NPC1: variants seen among roughly 807,000 people sequenced by gnomAD.
The protein encoded by NPC1 is NPC intracellular cholesterol transporter 1, also known as Niemann-Pick C1 protein.
In NPC1, 85 loss-of-function variants were observed where a neutral mutation model predicts 140.4. The ratio of observed to expected loss-of-function variants is 0.61; its 90% CI spans 0.51 to 0.72. The LOEUF (loss-of-function observed/expected upper bound fraction) is 0.72. Ranked by LOEUF, NPC1 falls within the 30% of genes least tolerant of loss-of-function variation. The probability of loss-of-function intolerance (pLI) is 0.00; values close to 1 mark genes in which losing one functional copy is unlikely to be tolerated. For synonymous variants in NPC1, 656 were observed against 624.8 expected (o/e 1.05, Z -0.74); for missense variants, 1,504 against 1,623.8 (o/e 0.93, Z 1.27).
intron 17 of NPC1, 111 bp from the exon 18 acceptor site, chr18:23,540,112 C>G: frequency 1.1e-6 from 1 of 914,384 alleles, no homozygotes; most frequent in Non-Finnish European, 1.7e-6. Context: ...GCTGAGATGC[C>G]TCCAGCTGGA....
rs563939770 is a variant in NPC1, at chr18:23,556,164, T to C, written c.1326+79A>G. ...CATGACATTCAGCCCCAAATCCCCATCTAGCAGTAGTCAACATGTAAAAGC... is the reference window on the plus strand; with the variant it reads ...CATGACATTCAGCCCCAAATCCCCACCTAGCAGTAGTCAACATGTAAAAGC... On this transcript the variant is annotated intron_variant, in intron 8 of 24. Transcript: ENST00000269228. 3 of 1,258,282 alleles carry C rather than the reference T, an allele frequency of 2.4e-6. No homozygotes were observed. In the East Asian group the frequency reaches 6.9e-5, roughly 29 times the overall value. 77.9% of individuals were successfully genotyped at this position (1,258,282 alleles called of 1,614,324 possible).
At chr18:23,533,216 T>A in intron 24 of NPC1, 139 bp downstream of exon 24, 1 of 982,858 alleles carries the variant, frequency 1.0e-6, no homozygotes, top group Non-Finnish European at 1.5e-6. Context: ...TTAGAAGAAA[T>A]TTTTTTACTC....
chr18:23,542,667 CA>C (rs1222463150), intron 14 of NPC1, among the ~76,000 whole-genome samples: 2 of 152,232 alleles, frequency 1.3e-5, no homozygotes, highest in African/African-American at 2.4e-5. Context: ...AGCTTCTGGT[CA>C]TTAACAAGGC....
At chr18:23,526,567 G>C, downstream of NPC1, 3 of 1,574,032 alleles carry the variant, frequency 1.9e-6, no homozygotes, top group Non-Finnish European at 2.6e-6. Flanking sequence ...CAGATGTTTA[G>C]GGGAACCACT....
intron 20 of NPC1, among the ~76,000 whole-genome samples, chr18:23,537,164 G>A (rs765506450): frequency 2.0e-5 from 3 of 152,100 alleles, no homozygotes; most frequent in Non-Finnish European, 4.4e-5. Context: ...CACCTCCCGG[G>A]TTCAAGCAAT....
At chr18:23,533,160 T>C (rs2145333931) in intron 24 of NPC1, 195 bp downstream of exon 24, 1 of 688,142 alleles carries the variant, frequency 1.5e-6, no homozygotes, top group Non-Finnish European at 2.4e-6. Context: ...AACTTCCTAA[T>C]AAAGTAGTCT....
intron 3 of NPC1, among the ~76,000 whole-genome samples, chr18:23,571,264 G>A (rs1214260604): frequency 6.6e-6 from 1 of 151,104 alleles, no homozygotes; most frequent in Non-Finnish European, 1.5e-5. Context: ...GGGAACTGTG[G>A]TTCACACCTA....
At chr18:23,571,970 T>A in intron 3 of NPC1, 104 bp downstream of exon 3, 1 of 580,094 alleles carries the variant, frequency 1.7e-6, no homozygotes, top group Non-Finnish European at 3.1e-6. Flanking sequence ...AATATAGACA[T>A]ATAATAAATA....
At chr18:23,564,227 A>G (rs1205853740) in intron 4 of NPC1, among the ~76,000 whole-genome samples, 2 of 151,614 alleles carry the variant, frequency 1.3e-5, no homozygotes, top group Admixed American at 6.6e-5. Context: ...CAGGTGATCC[A>G]CCCGCCTTGG....
intron 3 of NPC1, among the ~76,000 whole-genome samples, chr18:23,512,588 ATTTTTTTTTCCTTT>A (rs1376163238): frequency 2.1e-5 from 3 of 142,058 alleles, no homozygotes; most frequent in Non-Finnish European, 4.6e-5. Context: ...GCCCAACTTA[ATTTTTTTTTCCTTT>A]TTTTTTTTTT....
downstream of NPC1, among the ~76,000 whole-genome samples, chr18:23,525,528 G>C (rs1410630657): frequency 6.6e-6 from 1 of 151,880 alleles, no homozygotes; most frequent in African/African-American, 2.4e-5. Flanking sequence ...GGGTTTAAGC[G>C]ATTCTCCTGC....
Position 23,556,417 on chromosome 18 carries a change from G to A in NPC1, c.1152C>T (p.Pro384=). Residue 384 remains proline, a synonymous_variant, in exon 8 of 25, where the codon CCC becomes CCT. Transcript: ENST00000269228. ...TTNPVDLWSA[P]SSQARLEKEY... is the part of the protein sequence containing the mutation. ...CTTTTTCCAGGCGAGCCTGGCTGCT[G>A]GGGGCTGACCAGAGGTCAACTGGAT... 6.2e-7 allele frequency: 1 copy of A among 1,614,152 alleles called. No individual in the cohort carries two copies. The highest frequency in any genetic ancestry group is 8.5e-7 in the Non-Finnish European group (1 of 1,180,012).
intron 2 of NPC1, 135 bp downstream of exon 2, chr18:23,573,317 T>G: frequency 7.9e-7 from 1 of 1,262,900 alleles, no homozygotes; most frequent in African/African-American, 1.5e-5. Flanking sequence ...CAGGTTAGAG[T>G]TTGAGAGTCC....
At chr18:23,563,153 C>G (rs1041847860) in intron 4 of NPC1, among the ~76,000 whole-genome samples, 1 of 152,198 alleles carries the variant, frequency 6.6e-6, no homozygotes, top group South Asian at 2.1e-4. Context: ...CGGCTTCTTT[C>G]ATTTAGCATA....
chr18:23,523,812 G>C (rs2058214500), intron 1 of NPC1, among the ~76,000 whole-genome samples: 2 of 152,146 alleles, frequency 1.3e-5, no homozygotes, highest in African/African-American at 4.8e-5. Context: ...AATCCTTCAA[G>C]TAAATTTCTC....
chr18:23,566,152 C>G (rs1202350016), intron 4 of NPC1, among the ~76,000 whole-genome samples: 1 of 151,998 alleles, frequency 6.6e-6, no homozygotes, highest in Non-Finnish European at 1.5e-5. Flanking sequence ...ACCTGTAATC[C>G]CAGCACTGTG....
downstream of NPC1, chr18:23,527,667 G>GTATTTCTT (rs1436780982): frequency 1.8e-5 from 6 of 337,990 alleles, no homozygotes; most frequent in East Asian, 1.0e-4. Flanking sequence ...CTTTAAAGTA[G>GTATTTCTT]AGTGTCCTTT....
chr18:23,540,139 C>A (rs1444820373), intron 17 of NPC1, 138 bp from the exon 18 acceptor site: 2 of 771,052 alleles, frequency 2.6e-6, no homozygotes, highest in East Asian at 2.7e-5. Flanking sequence ...ATTCCTAACA[C>A]CACCAGTCTT....
downstream of NPC1, chr18:23,529,765 A>C: frequency 6.5e-7 from 1 of 1,528,084 alleles, no homozygotes; most frequent in Non-Finnish European, 9.0e-7. Context: ...TTAAAAAAAA[A>C]ACACAGTCAC....
Sources: allele counts gnomAD v4.1 joint callset (sites outside exome capture counted in the v4.1 genomes callset), GRCh38; gene constraint gnomAD v4.1.1; transcripts MANE v1.5; gene names NCBI Gene and HGNC (gene_info 2026-07-23, HGNC 2026-07-21).